The following SLC25A21 variants were observed in gnomAD, a reference collection of about 807,000 sequenced individuals.
SLC25A21 encodes solute carrier family 25 member 21, also known as mitochondrial 2-oxodicarboxylate carrier.
Under a neutral mutation model 43.8 loss-of-function variants are expected in SLC25A21, and 47 were observed. The observed-to-expected ratio is 1.07, with a 90% CI of 0.85 to 1.37. The LOEUF (loss-of-function observed/expected upper bound fraction) is 1.37. SLC25A21 is among the 40% of genes most tolerant of loss of function. The pLI, the probability that SLC25A21 is intolerant of heterozygous loss-of-function variation, is 0.00. For missense variants in SLC25A21, 352 were observed against 350.2 expected (o/e 1.00, Z -0.04); for synonymous variants, 131 against 121.3 (o/e 1.08, Z -0.52).
intron 1 of SLC25A21, among the ~76,000 whole-genome samples, chr14:36,985,731 G>A (rs774426840): frequency 4.6e-5 from 7 of 152,056 alleles, no homozygotes; most frequent in Non-Finnish European, 1.0e-4. Flanking sequence ...TTTTCCAATT[G>A]TATCACTCCT....
intron 1 of SLC25A21, among the ~76,000 whole-genome samples, chr14:37,053,250 G>C (rs1379933721): frequency 1.3e-5 from 2 of 152,152 alleles, no homozygotes; most frequent in Non-Finnish European, 2.9e-5. Context: ...GAGCCTAACA[G>C]ACTCAAGTAT....
At chr14:37,130,018 G>A (rs1963365371) in intron 1 of SLC25A21, among the ~76,000 whole-genome samples, 1 of 148,504 alleles carries the variant, frequency 6.7e-6, no homozygotes, top group African/African-American at 2.5e-5. Context: ...TTGGGAGGCT[G>A]AGGCAGGAGA....
intron 1 of SLC25A21, among the ~76,000 whole-genome samples, chr14:36,913,432 C>T (rs1177598638): frequency 6.6e-6 from 1 of 152,142 alleles, no homozygotes; most frequent in Non-Finnish European, 1.5e-5. Context: ...CAGGCCAACA[C>T]ACCCAGCTGA....
intron 1 of SLC25A21, among the ~76,000 whole-genome samples, chr14:36,919,172 C>A (rs927481547): frequency 6.6e-6 from 1 of 152,134 alleles, no homozygotes; most frequent in African/African-American, 2.4e-5. Flanking sequence ...GAAACCCAAA[C>A]TTCTTTACCA....
At chr14:36,704,667 AAAAACAAAAAAGAG>A (rs1387987935) in intron 7 of SLC25A21, among the ~76,000 whole-genome samples, 5 of 151,886 alleles carry the variant, frequency 3.3e-5, no homozygotes, top group Middle Eastern at 3.4e-3. Flanking sequence ...AAAAAAAAAA[AAAAACAAAAAAGAG>A]AAAACAAAAA....
At chr14:36,763,984 G>A (rs549819222) in intron 3 of SLC25A21, among the ~76,000 whole-genome samples, 10 of 148,166 alleles carry the variant, frequency 6.7e-5, no homozygotes, top group East Asian at 4.0e-4. Context: ...AGTGGAGATC[G>A]TGCCACTGCA....
intron 1 of SLC25A21, among the ~76,000 whole-genome samples, chr14:37,041,663 T>C (rs189395405): frequency 1.4e-4 from 22 of 152,324 alleles, no homozygotes; most frequent in Non-Finnish European, 2.8e-4. Context: ...GTTGCAAATA[T>C]AGTAATGTGT....
intron 1 of SLC25A21, among the ~76,000 whole-genome samples, chr14:37,090,967 A>G (rs145709211): frequency 1.5e-3 from 232 of 152,266 alleles, no homozygotes; most frequent in African/African-American, 5.1e-3. Context: ...ATTTTCATCA[A>G]TTGATCAATA....
At chr14:37,133,776 G>A (rs558325788) in intron 1 of SLC25A21, among the ~76,000 whole-genome samples, 13 of 151,990 alleles carry the variant, frequency 8.6e-5, no homozygotes, top group South Asian at 4.1e-4. Flanking sequence ...TCATGCTTCC[G>A]TTCCACTACA....
chr14:37,064,068 G>C (rs1217397344), intron 1 of SLC25A21, among the ~76,000 whole-genome samples: 1 of 152,174 alleles, frequency 6.6e-6, no homozygotes, highest in African/African-American at 2.4e-5. Context: ...AACTGAGTGA[G>C]GAAGATTAAC....
chr14:37,036,884 G>A (rs1024668526), intron 1 of SLC25A21, among the ~76,000 whole-genome samples: 13 of 152,172 alleles, frequency 8.5e-5, no homozygotes, highest in East Asian at 3.8e-4. Flanking sequence ...TCATCTACCC[G>A]GAGAATGAGT....
chr14:36,808,136 T>C (rs1468595207), intron 3 of SLC25A21, among the ~76,000 whole-genome samples: 2 of 152,224 alleles, frequency 1.3e-5, no homozygotes, highest in East Asian at 1.9e-4. Context: ...GAATACCATA[T>C]TTCTGAAGGC....
At chr14:36,711,530 G>C (rs1321038713) in intron 6 of SLC25A21, 48 bp from the exon 7 acceptor site, 5 of 1,570,956 alleles carry the variant, frequency 3.2e-6, no homozygotes, top group Non-Finnish European at 4.3e-6. Flanking sequence ...TGGGACTGTG[G>C]AATACAGTAA....
intron 1 of SLC25A21, among the ~76,000 whole-genome samples, chr14:37,124,547 C>G (rs557030796): frequency 2.6e-5 from 4 of 152,166 alleles, no homozygotes; most frequent in Non-Finnish European, 4.4e-5. Flanking sequence ...TGTGGCTGTG[C>G]TATAATGATT....
chr14:36,997,771 G>A (rs1467562391), intron 1 of SLC25A21, among the ~76,000 whole-genome samples: 1 of 144,134 alleles, frequency 6.9e-6, no homozygotes, highest in Admixed American at 6.9e-5. Flanking sequence ...AGAGGTTGCA[G>A]ATTGCACCAT....
chr14:36,870,122 CAATT>C (rs1890327641), intron 2 of SLC25A21, among the ~76,000 whole-genome samples: 1 of 152,100 alleles, frequency 6.6e-6, no homozygotes, highest in African/African-American at 2.4e-5. Context: ...ATAATGCAAA[CAATT>C]GATTATGGAT....
chr14:36,698,924 A>G (rs1297600363), intron 7 of SLC25A21, among the ~76,000 whole-genome samples: 1 of 151,960 alleles, frequency 6.6e-6, no homozygotes, highest in African/African-American at 2.4e-5. Flanking sequence ...TCTTCTGTCA[A>G]CTCGTCAAAC....
Position 36,961,368 on chromosome 14 carries a change from C to T in SLC25A21, c.71-86364G>A, listed in dbSNP as rs150235703. Among the ~76,000 whole-genome samples the T allele has an allele frequency of 3.7e-4, 57 of 152,136 alleles. No homozygotes were observed. In the East Asian group the frequency reaches 9.7e-3, roughly 26 times the overall value. ...CTGGGACTACAGGTGCCTGCCACCGCGCCCAGCTAATTTTTTGTATTTTTA... is the reference window on the plus strand; with the variant it reads ...CTGGGACTACAGGTGCCTGCCACCGTGCCCAGCTAATTTTTTGTATTTTTA... On this transcript the variant is annotated intron_variant, in intron 1 of 9. Coordinates refer to ENST00000331299, the MANE Select transcript of SLC25A21 (RefSeq NM_030631.4).
chr14:36,935,682 G>C (rs945710430), intron 1 of SLC25A21, among the ~76,000 whole-genome samples: 1 of 77,188 alleles, frequency 1.3e-5, no homozygotes, highest in African/African-American at 5.2e-5. Flanking sequence ...AAACATTCTT[G>C]CAAATCTAAG....
Sources: allele counts gnomAD v4.1 joint callset (sites outside exome capture counted in the v4.1 genomes callset), GRCh38; gene constraint gnomAD v4.1.1; transcripts MANE v1.5; gene names NCBI Gene and HGNC (gene_info 2026-07-23, HGNC 2026-07-21).